The following ANXA4 variants were observed in gnomAD, a reference collection of about 807,000 sequenced individuals.
ANXA4 encodes 35-beta calcimedin.
Under a neutral mutation model 49.8 loss-of-function variants are expected in ANXA4, and 39 were observed. That is an observed-to-expected ratio of 0.78 (90% confidence interval 0.61 to 1.02). ANXA4 has a LOEUF of 1.02. Among genes scored for constraint, ANXA4 ranks in the 50% least tolerant of loss-of-function variants. ANXA4 has a pLI of 0.00. For missense variants in ANXA4, 360 were observed against 410.1 expected (o/e 0.88, Z 1.05); for synonymous variants, 134 against 152.5 (o/e 0.88, Z 0.89).
At chr2:69,761,376 T>G (rs1290678488) in intron 1 of ANXA4, among the ~76,000 whole-genome samples, 1 of 152,174 alleles carries the variant, frequency 6.6e-6, no homozygotes, top group African/African-American at 2.4e-5. Flanking sequence ...ACTTCAAAAA[T>G]TTTTCCAATA....
At chr2:69,683,428 T>C (rs1209895012) in intron 2 of ANXA4, among the ~76,000 whole-genome samples, 1 of 152,216 alleles carries the variant, frequency 6.6e-6, no homozygotes, top group Non-Finnish European at 1.5e-5. Context: ...TCAGATAGCT[T>C]TGTGGGGACA....
chr2:69,788,649 A>G (rs57792077), intron 3 of ANXA4, among the ~76,000 whole-genome samples: 36,968 of 151,584 alleles, frequency 0.24, 5,124 homozygotes, highest in African/African-American at 0.38. Context: ...CATCCTGGCT[A>G]ACACGGTGAA....
At chr2:69,734,292 C>T (rs1451797905) in intron 3 of ANXA4, among the ~76,000 whole-genome samples, 1 of 152,178 alleles carries the variant, frequency 6.6e-6, no homozygotes, top group Admixed American at 6.5e-5. Flanking sequence ...TGAGAGAAAT[C>T]GAACATAGCT....
intron 2 of ANXA4, among the ~76,000 whole-genome samples, chr2:69,667,510 T>C (rs997498073): frequency 6.6e-6 from 1 of 152,010 alleles, no homozygotes; most frequent in African/African-American, 2.4e-5. Context: ...AAAAGTGTTA[T>C]AGACTGATTC....
chr2:69,684,300 A>G (rs1288051750), intron 2 of ANXA4, among the ~76,000 whole-genome samples: 1 of 152,236 alleles, frequency 6.6e-6, no homozygotes, highest in Admixed American at 6.5e-5. Context: ...TCAAATTGCC[A>G]TTACATCTGC....
intron 2 of ANXA4, among the ~76,000 whole-genome samples, chr2:69,659,314 A>G (rs996240611): frequency 6.6e-6 from 1 of 152,274 alleles, no homozygotes; most frequent in African/African-American, 2.4e-5. Context: ...ATAAACCAAG[A>G]TGAAAAGAAT....
At position 69,736,408 on chromosome 2, in the gene ANXA4, G is replaced by A. The variant is rs186819222; in HGVS notation, n.864+15537G>A. On this transcript the variant is annotated intron_variant and non_coding_transcript_variant, in intron 3 of 3. Transcript: ENST00000418066. ...TATCTAACTCATCGAACCGTGTGAG[G>A]ATTAAATCATTAATATCATATATTT... Among the ~76,000 whole-genome samples, 99 of 152,194 alleles carry A rather than the reference G, an allele frequency of 6.5e-4. 2 individuals are homozygous for A. Among genetic ancestry groups the A allele is most frequent in the Admixed American group, 5.9e-3 (90 of 15,278 alleles).
intron 12 of ANXA4, among the ~76,000 whole-genome samples, chr2:69,823,380 GAA>G (rs200789068): frequency 6.6e-6 from 1 of 150,854 alleles, no homozygotes; most frequent in Non-Finnish European, 1.5e-5. Context: ...GTAAATAATA[GAA>G]AAAAATGACA....
intron 2 of ANXA4, among the ~76,000 whole-genome samples, chr2:69,657,323 C>T (rs1055853845): frequency 1.3e-5 from 2 of 151,960 alleles, no homozygotes; most frequent in African/African-American, 4.8e-5. Context: ...ACCTTGTACT[C>T]GCTCATATAT....
intron 3 of ANXA4, among the ~76,000 whole-genome samples, chr2:69,723,066 C>T (rs1669859440): frequency 6.6e-6 from 1 of 150,578 alleles, no homozygotes; most frequent in Non-Finnish European, 1.5e-5. Flanking sequence ...TGGCACGATC[C>T]TGTAGTCCCA....
chr2:69,649,571 G>T (rs1187331462), intron 1 of ANXA4, among the ~76,000 whole-genome samples: 1 of 91,586 alleles, frequency 1.1e-5, no homozygotes, highest in African/African-American at 4.2e-5. Flanking sequence ...ATATTCTCTT[G>T]TATTCTCTTG....
intron 7 of ANXA4, 51 bp downstream of exon 7, chr2:69,810,724 AT>A: frequency 6.8e-7 from 1 of 1,461,528 alleles, no homozygotes; most frequent in South Asian, 1.1e-5. Flanking sequence ...TGTCCACTCT[AT>A]CCCCTTTGCC....
At chr2:69,643,872 T>A (rs1230887450), upstream of ANXA4, 1 of 1,176,268 alleles carries the variant, frequency 8.5e-7, no homozygotes, top group Non-Finnish European at 1.1e-6. Context: ...CGCCGTTCTG[T>A]CGCCACGGAT....
intron 3 of ANXA4, among the ~76,000 whole-genome samples, chr2:69,790,672 T>C (rs1053270443): frequency 6.6e-6 from 1 of 152,184 alleles, no homozygotes; most frequent in African/African-American, 2.4e-5. Context: ...CCTGGGGTTC[T>C]AGTTTACCTG....
chr2:69,658,105 A>C (rs1403348784), intron 2 of ANXA4, among the ~76,000 whole-genome samples: 1 of 150,116 alleles, frequency 6.7e-6, no homozygotes, highest in Non-Finnish European at 1.5e-5. Context: ...TGTCAAAAGC[A>C]AAAAAAAATA....
At chr2:69,804,811 C>T (rs914732038) in intron 4 of ANXA4, among the ~76,000 whole-genome samples, 184 bp downstream of exon 4, 7 of 151,900 alleles carry the variant, frequency 4.6e-5, no homozygotes, top group Admixed American at 1.3e-4. Flanking sequence ...TTTGGGAGAC[C>T]GAGGTGGGTG....
intron 2 of ANXA4, among the ~76,000 whole-genome samples, chr2:69,656,825 C>T: frequency 6.6e-6 from 1 of 151,856 alleles, no homozygotes; most frequent in Non-Finnish European, 1.5e-5. Context: ...GCTGAGATTA[C>T]AGGTGTGAGC....
chr2:69,779,275 A>C (rs1672102023), intron 1 of ANXA4, among the ~76,000 whole-genome samples: 1 of 152,186 alleles, frequency 6.6e-6, no homozygotes, highest in South Asian at 2.1e-4. Context: ...TATGTAAAAA[A>C]TAAAATAAAA....
At chr2:69,659,881 G>A (rs577844464) in intron 2 of ANXA4, among the ~76,000 whole-genome samples, 1 of 152,258 alleles carries the variant, frequency 6.6e-6, no homozygotes, top group Admixed American at 6.5e-5. Flanking sequence ...GGGCTGGGGA[G>A]AAAATGTCAT....
Sources: allele counts gnomAD v4.1 joint callset (sites outside exome capture counted in the v4.1 genomes callset), GRCh38; gene constraint gnomAD v4.1.1; transcripts MANE v1.5; gene names NCBI Gene and HGNC (gene_info 2026-07-23, HGNC 2026-07-21).